GRAP: variants seen among roughly 807,000 people sequenced by gnomAD.
GRAP encodes GRB2-related adapter protein.
Under a neutral mutation model 9.1 loss-of-function variants are expected in GRAP, and 2 were observed. The ratio of observed to expected loss-of-function variants is 0.22; its 90% confidence interval spans 0.09 to 0.69. The LOEUF is 0.69. Ranked by LOEUF, GRAP falls within the 30% of genes least tolerant of loss-of-function variation. GRAP has a pLI of 0.81. For missense variants in GRAP, 113 were observed against 179.4 expected, an observed-to-expected ratio of 0.63 and a Z score of 2.12; for synonymous variants, 68 against 73.6, an observed-to-expected ratio of 0.92 and a Z score of 0.39.
chr17:19,022,945 G>A (rs1334353465), intron 4 of GRAP, among the ~76,000 whole-genome samples: 5 of 152,206 alleles, frequency 3.3e-5, no homozygotes, highest in Non-Finnish European at 4.4e-5. Context: ...CTCTGGAGTC[G>A]AGCCACAGGG....
chr17:19,024,039 A>G lies in GRAP; in HGVS notation c.468+176T>C, dbSNP rs1053468898. Among the ~76,000 whole-genome samples the G allele has an allele frequency of 1.1e-4, 17 of 151,968 alleles. No homozygotes were observed. The highest frequency in any genetic ancestry group is 2.2e-4 in the Non-Finnish European group (15 of 67,990). ...CTCCTTTCCCACCCTTGCAAGTCTC[A>G]CCATAGCCGCCACCAGGATATAACT... On this transcript the variant is annotated intron_variant, in intron 4 of 4. Coordinates refer to ENST00000284154, the MANE Select transcript of GRAP (RefSeq NM_006613.4). This position sits in a 1 kb window ranked among gnomAD's most constrained non-coding sequence, Gnocchi z 4.2.
chr17:19,051,041 A>G (rs1468429313), upstream of GRAP, among the ~76,000 whole-genome samples: 9 of 142,366 alleles, frequency 6.3e-5, no homozygotes, highest in African/African-American at 2.2e-4. Flanking sequence ...TCTGTCTCAG[A>G]AAAAAAAAAA....
At position 19,024,124 on chromosome 17, in the gene GRAP, C is replaced by G. The variant is rs1450133351; in HGVS notation, c.468+91G>C. 1 of 1,281,646 alleles carries G rather than the reference C, an allele frequency of 7.8e-7. No individual in the cohort carries two copies. The highest frequency in any genetic ancestry group is 1.1e-6 in the Non-Finnish European group (1 of 914,422). The allele number at this position is 1,281,646 out of a possible 1,614,324, so 79.4% of individuals were successfully genotyped here. A position where few individuals can be genotyped will look rare whatever the true frequency, so the allele number is the denominator to read the frequency against. ...GGCTGCTGGGGAAGTGAGACCAGGC[C>G]CGTGCTTGGCCTCAGTGTCAGCATC... On this transcript the variant is annotated intron_variant, in intron 4 of 4. Transcript: ENST00000284154. This position sits in a 1 kb window ranked among gnomAD's most constrained non-coding sequence, Gnocchi z 4.2.
At chr17:19,049,099 G>GA (rs1393065179), upstream of GRAP, among the ~76,000 whole-genome samples, 2 of 88,980 alleles carry the variant, frequency 2.2e-5, no homozygotes, top group Non-Finnish European at 4.8e-5. Flanking sequence ...TGTCCCCTGG[G>GA]GCGGTGGGAC....
Position 19,024,200 on chromosome 17 carries a change from C to T in GRAP, c.468+15G>A, listed in dbSNP as rs749889999. On this transcript the variant is annotated intron_variant, in intron 4 of 4. Transcript: ENST00000284154. The surrounding 1 kb of genome is among the most constrained non-coding windows in gnomAD (Gnocchi z 4.2). ...GCAGAGAGGCTCCCACAGGCCAGCC[C>T]CCACCCGCCCCTACCTTGAGCAAGG... 1.9e-6 allele frequency: 3 copies of T among 1,569,078 alleles called. No homozygotes were observed. Among genetic ancestry groups the T allele is most frequent in the South Asian group, 2.3e-5 (2 of 85,492 alleles).
intron 3 of GRAP, among the ~76,000 whole-genome samples, chr17:19,029,971 GTC>G (rs1401867292): frequency 1.6e-5 from 1 of 61,236 alleles, no homozygotes. Flanking sequence ...TCTCCATTGT[GTC>G]TGAGTGTGCA....
chr17:19,022,184 GC>G, intron 4 of GRAP, 40 bp from the exon 5 acceptor site: 1 of 1,218,238 alleles, frequency 8.2e-7, no homozygotes, highest in Non-Finnish European at 1.1e-6. Context: ...GCCTTCAGAA[GC>G]CCTGCAACCC....
At chr17:19,027,754 T>G (rs1036083592) in intron 3 of GRAP, among the ~76,000 whole-genome samples, 1 of 133,326 alleles carries the variant, frequency 7.5e-6, no homozygotes, top group Non-Finnish European at 1.6e-5. Context: ...TCCTTCCTTA[T>G]TGATGTTTTA....
chr17:19,022,962 A>AC (rs1434727149), intron 4 of GRAP, among the ~76,000 whole-genome samples: 2 of 152,082 alleles, frequency 1.3e-5, no homozygotes, highest in African/African-American at 4.8e-5. Flanking sequence ...AGGGTGGGTG[A>AC]CCCCACGGCC....
rs1314462932 is a variant in GRAP at position 19,024,058 on chromosome 17, T to C, written c.468+157A>G. 2.0e-5 allele frequency among the ~76,000 whole-genome samples: 3 copies of C among 152,172 alleles called. No homozygotes were observed. The highest frequency in any genetic ancestry group is 4.4e-5 in the Non-Finnish European group (3 of 68,022). On this transcript the variant is annotated intron_variant, in intron 4 of 4. Transcript: ENST00000284154. This position sits in a 1 kb window ranked among gnomAD's most constrained non-coding sequence, Gnocchi z 4.2. ...AGTCTCACCATAGCCGCCACCAGGA[T>C]ATAACTTCGAAGCCTGGGCTGGACG...
intron 1 of GRAP, among the ~76,000 whole-genome samples, chr17:19,043,841 C>T (rs201244989): frequency 0.063 from 9,363 of 149,774 alleles, 998 homozygotes; most frequent in East Asian, 0.38. Context: ...AGTGCGGACA[C>T]TGGGTGGAAT....
In GRAP at chr17:19,024,390, G is replaced by A. The variant is rs775832108; in HGVS notation, c.300-7C>T. On this transcript the variant is annotated splice_polypyrimidine_tract_variant and splice_region_variant and intron_variant, in intron 3 of 4. Transcript: ENST00000284154. This position sits in a 1 kb window ranked among gnomAD's most constrained non-coding sequence, Gnocchi z 4.2. ...CTGCACCTGGTCTCCATAGCTAGGG[G>A]AAAGGACCCGGGGCCACCTCAGGTG... The A allele has an allele frequency of 6.2e-7, 1 of 1,609,390 alleles. No individual in the cohort carries two copies. Among genetic ancestry groups the A allele is most frequent in the South Asian group, 1.1e-5 (1 of 90,450 alleles).
intron 4 of GRAP, among the ~76,000 whole-genome samples, chr17:19,023,078 G>A (rs958487095): frequency 1.3e-5 from 2 of 152,150 alleles, no homozygotes; most frequent in East Asian, 1.9e-4. Flanking sequence ...CCCAGGTGGT[G>A]AACAGGGAGG....
upstream of GRAP, among the ~76,000 whole-genome samples, chr17:19,050,902 G>A (rs1597932384): frequency 6.6e-6 from 1 of 152,116 alleles, no homozygotes; most frequent in East Asian, 1.9e-4. Flanking sequence ...TACAAAAATT[G>A]GCCAGGCATG....
chr17:19,030,247 C>A, intron 3 of GRAP: 1 of 442,728 alleles, frequency 2.3e-6, no homozygotes, highest in Non-Finnish European at 4.3e-6. Flanking sequence ...GCAGCAGCAG[C>A]AGCAGCAGCA....
intron 4 of GRAP, chr17:19,022,366 C>A (rs1345830728): frequency 2.5e-6 from 1 of 403,624 alleles, no homozygotes; most frequent in Admixed American, 4.4e-5. Flanking sequence ...ACATAGAACA[C>A]GGCTTTCCCA....
At position 19,024,958 on chromosome 17, in the gene GRAP, C is replaced by T. The variant is rs1396547226; in HGVS notation, c.300-575G>A. 6.6e-6 allele frequency among the ~76,000 whole-genome samples: 1 copy of T among 152,114 alleles called. No individual in the cohort carries two copies. Among genetic ancestry groups the T allele is most frequent in the African/African-American group, 2.4e-5 (1 of 41,422 alleles). On this transcript the variant is annotated intron_variant, in intron 3 of 4. Coordinates refer to ENST00000284154, the MANE Select transcript of GRAP (RefSeq NM_006613.4). The surrounding 1 kb of genome is among the most constrained non-coding windows in gnomAD (Gnocchi z 4.2). ...CGTCCTCCCCCTCCCATGAACCTTC[C>T]GTGGCTTCTCCCTTGGCCTCAGGGT... is the stretch of plus-strand genomic sequence containing the variant.
In GRAP at chr17:19,024,087, C is replaced by T; in HGVS notation, c.468+128G>A. ...ACTTCGAAGCCTGGGCTGGACGCCT[C>T]TTGCAATACCAGGCTGCTGGGGAAG... On this transcript the variant is annotated intron_variant, in intron 4 of 4. Coordinates refer to ENST00000284154, the MANE Select transcript of GRAP (RefSeq NM_006613.4). The surrounding 1 kb of genome is among the most constrained non-coding windows in gnomAD (Gnocchi z 4.2). 1 of 932,490 alleles carries T rather than the reference C, an allele frequency of 1.1e-6. No individual in the cohort carries two copies. The highest frequency in any genetic ancestry group is 1.6e-6 in the Non-Finnish European group (1 of 614,188). The allele number at this position is 932,490 out of a possible 1,614,324, so 57.8% of individuals were successfully genotyped here. A position where few individuals can be genotyped will look rare whatever the true frequency, so the allele number is the denominator to read the frequency against.
rs80209928 is a variant in GRAP, at chr17:19,024,683, T to C, written c.300-300A>G. ...CTGAACCTCAGTTTTCTCATAATGA[T>C]AACATCTCCGTTATGGATAAGTGCA... On this transcript the variant is annotated intron_variant, in intron 3 of 4. Transcript: ENST00000284154. This position sits in a 1 kb window ranked among gnomAD's most constrained non-coding sequence, Gnocchi z 4.2. Among the ~76,000 whole-genome samples, 8,522 of 152,282 alleles carry C rather than the reference T, an allele frequency of 0.056. 649 individuals are homozygous for C. The highest frequency in any genetic ancestry group is 0.33 in the South Asian group (1,588 of 4,824).
Sources: gnomAD v4.1 joint callset for allele counts (sites outside exome capture counted in the v4.1 genomes callset) on GRCh38, gnomAD v4.1.1 for gene constraint, Gnocchi (gnomAD v3.1) non-coding constraint, MANE v1.5 for transcripts, NCBI Gene and HGNC (gene_info 2026-07-23, HGNC 2026-07-21) for gene names.